CREB5: variants seen among roughly 807,000 people sequenced by gnomAD.
CREB5 encodes cyclic AMP-responsive element-binding protein 5.
A neutral mutation model predicts 57.1 loss-of-function variants in CREB5; 19 were observed. The ratio of observed to expected loss-of-function variants is 0.33; its 90% CI spans 0.23 to 0.49. The LOEUF (loss-of-function observed/expected upper bound fraction) is 0.49. CREB5 is among the 20% of genes least tolerant of loss of function. The probability of loss-of-function intolerance (pLI) is 0.99; values close to 1 mark genes in which losing one functional copy is unlikely to be tolerated. For missense variants in CREB5, 579 were observed against 671.6 expected, an observed-to-expected ratio of 0.86 and a Z score of 1.52; for synonymous variants, 238 against 238.3, an observed-to-expected ratio of 1.00 and a Z score of 0.01.
At chr7:28,409,001 C>A (rs1456234645), upstream of CREB5, among the ~76,000 whole-genome samples, 1 of 152,116 alleles carries the variant, frequency 6.6e-6, no homozygotes, top group South Asian at 2.1e-4. The surrounding 1 kb of genome is among the most constrained non-coding windows in gnomAD (Gnocchi z 4.4). Flanking sequence ...ATCAGGCCCT[C>A]CCCGCAGAAG....
chr7:28,506,004 G>A (rs1792466268), intron 3 of CREB5, among the ~76,000 whole-genome samples: 1 of 152,094 alleles, frequency 6.6e-6, no homozygotes, highest in African/African-American at 2.4e-5. Context: ...GAACAGCTGT[G>A]GTATGCTCTC....
At chr7:28,516,677 G>C (rs1244675310) in intron 4 of CREB5, among the ~76,000 whole-genome samples, 2 of 152,158 alleles carry the variant, frequency 1.3e-5, no homozygotes, top group Non-Finnish European at 2.9e-5. Flanking sequence ...CCGCCTTAAG[G>C]TCTGGGGAAA....
chr7:28,345,623 C>A (rs1786043235), intron 1 of CREB5, among the ~76,000 whole-genome samples: 1 of 152,124 alleles, frequency 6.6e-6, no homozygotes, highest in Non-Finnish European at 1.5e-5. Context: ...AGTGGCTGAA[C>A]TAGACACACT....
intron 2 of CREB5, among the ~76,000 whole-genome samples, chr7:28,494,223 G>A (rs1325111977): frequency 6.6e-6 from 1 of 152,128 alleles, no homozygotes; most frequent in African/African-American, 2.4e-5. Context: ...TTTGCACATG[G>A]TTTTCTCATA....
At chr7:28,561,017 C>CGTGTGCGT (rs1795244545) in intron 4 of CREB5, among the ~76,000 whole-genome samples, 6 of 30,478 alleles carry the variant, frequency 2.0e-4, no homozygotes, top group Admixed American at 2.7e-4. Flanking sequence ...TGTGTGTGTG[C>CGTGTGCGT]GTGTGTGCGT....
intron 7 of CREB5, among the ~76,000 whole-genome samples, chr7:28,785,553 G>A (rs949519238): frequency 3.9e-5 from 6 of 152,190 alleles, no homozygotes; most frequent in African/African-American, 9.7e-5. Flanking sequence ...CTGGGAAAAC[G>A]TCATGTCATT....
At chr7:28,613,504 T>C (rs1797478179) in intron 5 of CREB5, among the ~76,000 whole-genome samples, 1 of 152,104 alleles carries the variant, frequency 6.6e-6, no homozygotes. Flanking sequence ...AATGAAAGAG[T>C]ATTTCGACTT....
chr7:28,781,047 A>G (rs1806942463), intron 7 of CREB5, among the ~76,000 whole-genome samples: 2 of 152,234 alleles, frequency 1.3e-5, no homozygotes, highest in African/African-American at 2.4e-5. Context: ...CTGCTAGTGC[A>G]TCTCGAAGCA....
intron 5 of CREB5, among the ~76,000 whole-genome samples, chr7:28,654,267 T>C (rs1268936707): frequency 6.6e-6 from 1 of 152,218 alleles, no homozygotes; most frequent in East Asian, 1.9e-4. Flanking sequence ...CTTCTAGTTC[T>C]CAGCTTACTG....
At chr7:28,803,364 A>G (rs901057275) in intron 7 of CREB5, among the ~76,000 whole-genome samples, 1 of 152,200 alleles carries the variant, frequency 6.6e-6, no homozygotes, top group Admixed American at 6.5e-5. Context: ...AAGCCCTAAA[A>G]TCAGATTAGC....
At chr7:28,628,401 G>T (rs1209273038) in intron 5 of CREB5, among the ~76,000 whole-genome samples, 1 of 152,066 alleles carries the variant, frequency 6.6e-6, no homozygotes, top group Non-Finnish European at 1.5e-5. Context: ...GTTCTGATTT[G>T]CCCCAGAAGG....
At chr7:28,592,608 C>T (rs1316000310) in intron 5 of CREB5, among the ~76,000 whole-genome samples, 1 of 152,142 alleles carries the variant, frequency 6.6e-6, no homozygotes, top group Non-Finnish European at 1.5e-5. Flanking sequence ...AGGCGCAGCA[C>T]TAAGTTTGCA....
At chr7:28,393,055 G>A (rs1017327727) in intron 1 of CREB5, among the ~76,000 whole-genome samples, 3 of 152,032 alleles carry the variant, frequency 2.0e-5, no homozygotes, top group Non-Finnish European at 2.9e-5. Flanking sequence ...CTCCCAAACA[G>A]CTGGGATTAC....
chr7:28,791,220 C>T (rs1807690294), intron 7 of CREB5, among the ~76,000 whole-genome samples: 1 of 152,188 alleles, frequency 6.6e-6, no homozygotes, highest in Non-Finnish European at 1.5e-5. Context: ...CTTGTATTCA[C>T]TTCTCTTTTG....
chr7:28,560,937 CGTGCGTGT>C (rs1795198326), intron 4 of CREB5, among the ~76,000 whole-genome samples: 1 of 35,544 alleles, frequency 2.8e-5, no homozygotes, highest in African/African-American at 1.1e-4. Flanking sequence ...TGCGTGTGTG[CGTGCGTGT>C]GTGTGCGTGT....
intron 5 of CREB5, among the ~76,000 whole-genome samples, chr7:28,632,746 G>T (rs1045823513): frequency 3.9e-5 from 6 of 152,144 alleles, no homozygotes; most frequent in African/African-American, 1.2e-4. Context: ...CGGCTCGAAG[G>T]TTAGCCAGCC....
At chr7:28,783,633 C>T (rs1234503019) in intron 7 of CREB5, among the ~76,000 whole-genome samples, 1 of 152,162 alleles carries the variant, frequency 6.6e-6, no homozygotes, top group Non-Finnish European at 1.5e-5. Context: ...GGGTTAGTAG[C>T]AGATGTGTCA....
chr7:28,754,062 G>A (rs75462221), intron 7 of CREB5, among the ~76,000 whole-genome samples: 2,657 of 151,286 alleles, frequency 0.018, 36 homozygotes, highest in Non-Finnish European at 0.024. Flanking sequence ...AATCAAGCAG[G>A]CCTAAATATT....
At chr7:28,515,154 C>A (rs1404598324) in intron 4 of CREB5, among the ~76,000 whole-genome samples, 1 of 152,060 alleles carries the variant, frequency 6.6e-6, no homozygotes, top group African/African-American at 2.4e-5. Flanking sequence ...TTGATTTGGG[C>A]CTCTTCAGTT....
Sources: allele counts gnomAD v4.1 joint callset (sites outside exome capture counted in the v4.1 genomes callset), GRCh38; gene constraint gnomAD v4.1.1; non-coding constraint Gnocchi (gnomAD v3.1); transcripts MANE v1.5; gene names NCBI Gene and HGNC (gene_info 2026-07-23, HGNC 2026-07-21).